The following NTRK3 variants were observed in gnomAD, a reference collection of about 807,000 sequenced individuals.
NTRK3 encodes neurotrophic receptor tyrosine kinase 3.
NTRK3 carries 24 observed loss-of-function variants against 91.7 expected under a neutral mutation model. The ratio of observed to expected loss-of-function variants is 0.26; its 90% CI spans 0.19 to 0.37. NTRK3 has a LOEUF of 0.37. NTRK3 is among the 10% of genes least tolerant of loss of function. The pLI, the probability that NTRK3 is intolerant of heterozygous loss-of-function variation, is 1.00. For missense variants in NTRK3, 880 were observed against 1,068.9 expected (o/e 0.82, Z 2.46); for synonymous variants, 483 against 404.0 (o/e 1.20, Z -2.34).
intron 13 of NTRK3, among the ~76,000 whole-genome samples, chr15:88,060,696 C>T (rs2046140159): frequency 6.6e-6 from 1 of 152,140 alleles, no homozygotes; most frequent in East Asian, 1.9e-4. Flanking sequence ...CATCACATGG[C>T]TCAGGCTGCT....
At position 87,974,088 on chromosome 15, in the gene NTRK3, A is replaced by T. The variant is rs564615399; in HGVS notation, c.1586-33335T>A. Among the ~76,000 whole-genome samples, 75 of 152,248 alleles carry T rather than the reference A, an allele frequency of 4.9e-4. 3 individuals are homozygous for T. In the South Asian group the frequency reaches 0.015, roughly 31 times the overall value. Reference sequence around the variant, plus strand: ...TTGCTGCCTCACCATTGTATCTGAGATGCTTGATCCTTTGCTCATGCCTGG... The same window carrying T: ...TTGCTGCCTCACCATTGTATCTGAGTTGCTTGATCCTTTGCTCATGCCTGG... On this transcript the variant is annotated intron_variant, in intron 14 of 18. Transcript: ENST00000394480.
At chr15:88,247,101 GT>G (rs1328349372) in intron 3 of NTRK3, among the ~76,000 whole-genome samples, 9 of 152,228 alleles carry the variant, frequency 5.9e-5, no homozygotes, top group Non-Finnish European at 1.5e-5. Flanking sequence ...AGACGCACTT[GT>G]GCCTGTGCCA....
intron 13 of NTRK3, chr15:88,098,873 T>G: frequency 8.6e-6 from 2 of 232,792 alleles, no homozygotes; most frequent in East Asian, 1.2e-4. Context: ...AATACTGTAA[T>G]GTGATATGCT....
At chr15:87,978,790 C>T (rs1447471448) in intron 14 of NTRK3, 1 of 235,100 alleles carries the variant, frequency 4.3e-6, no homozygotes, top group Non-Finnish European at 8.4e-6. Flanking sequence ...GGTGCCAATA[C>T]TTGAGCCTGG....
At chr15:87,860,124 GT>G (rs2064483815) in exon 19 of NTRK3, 1 of 217,390 alleles carries the variant, frequency 4.6e-6, no homozygotes, top group Non-Finnish European at 9.3e-6. Flanking sequence ...GTGTCATGGT[GT>G]TAAATCTCTG....
chr15:87,930,875 G>C (rs1382765863), intron 16 of NTRK3, among the ~76,000 whole-genome samples: 2 of 152,064 alleles, frequency 1.3e-5, no homozygotes, highest in Non-Finnish European at 2.9e-5. Context: ...TTGATTTAGA[G>C]AGACTCCCCC....
At chr15:88,061,621 G>A (rs866577542) in intron 13 of NTRK3, among the ~76,000 whole-genome samples, 1 of 152,256 alleles carries the variant, frequency 6.6e-6, no homozygotes, top group Non-Finnish European at 1.5e-5. Flanking sequence ...GCAGGGCGAG[G>A]GCTCACTAAG....
chr15:88,110,291 G>C (rs376391909), intron 13 of NTRK3, among the ~76,000 whole-genome samples: 1 of 152,192 alleles, frequency 6.6e-6, no homozygotes, highest in Admixed American at 6.5e-5. Context: ...GGAAAAGGCA[G>C]GTCAGACCTA....
At chr15:88,101,901 G>T (rs1438202668) in intron 13 of NTRK3, among the ~76,000 whole-genome samples, 1 of 152,082 alleles carries the variant, frequency 6.6e-6, no homozygotes, top group African/African-American at 2.4e-5. Context: ...AGCATTAGAA[G>T]ATTTACCTAA....
At chr15:88,058,247 T>C (rs1314938697) in intron 13 of NTRK3, among the ~76,000 whole-genome samples, 1 of 152,094 alleles carries the variant, frequency 6.6e-6, no homozygotes, top group African/African-American at 2.4e-5. Flanking sequence ...CGTCAGACAG[T>C]TCTTGAGTTC....
In NTRK3 at chr15:87,929,514, T is replaced by A. The variant is rs1461658144; in HGVS notation, c.1890-80A>T. ...GAAAGGCCTTCCTGGGTCCCTGCCC[T>A]CTGGAATGCCCCACAGAAATAAATA... On this transcript the variant is annotated intron_variant, in intron 16 of 18. Coordinates refer to ENST00000394480, the Ensembl canonical transcript of NTRK3. The A allele has an allele frequency of 1.2e-5, 19 of 1,536,068 alleles. No individual in the cohort carries two copies. The Admixed American group carries it at 3.6e-4, about 29-fold the overall frequency.
At chr15:87,987,819 C>T (rs1462104922) in intron 14 of NTRK3, among the ~76,000 whole-genome samples, 3 of 151,488 alleles carry the variant, frequency 2.0e-5, no homozygotes, top group Non-Finnish European at 4.4e-5. Flanking sequence ...TAGGGCTGGA[C>T]GTGGCCGAGA....
chr15:87,969,316 T>C (rs1365528018), intron 14 of NTRK3, among the ~76,000 whole-genome samples: 1 of 152,160 alleles, frequency 6.6e-6, no homozygotes, highest in Non-Finnish European at 1.5e-5. Context: ...CAGAGTCCCT[T>C]TAAGGGAAAG....
intron 3 of NTRK3, among the ~76,000 whole-genome samples, chr15:88,192,613 A>T (rs2151686593): frequency 6.6e-6 from 1 of 152,266 alleles, no homozygotes; most frequent in East Asian, 1.9e-4. Context: ...ATGTCCAGAC[A>T]TCACTGGAAG....
At chr15:88,251,373 G>A (rs1484313658) in intron 3 of NTRK3, among the ~76,000 whole-genome samples, 1 of 152,260 alleles carries the variant, frequency 6.6e-6, no homozygotes, top group African/African-American at 2.4e-5. Context: ...CTGCCCTGCG[G>A]CCTCAATTCA....
intron 14 of NTRK3, among the ~76,000 whole-genome samples, chr15:87,995,554 T>C (rs946016865): frequency 1.3e-5 from 2 of 152,146 alleles, no homozygotes; most frequent in Non-Finnish European, 2.9e-5. Context: ...ATGGAAATGA[T>C]TAGCTTGGGG....
rs1204220371 is a variant in NTRK3 at position 88,233,782 on chromosome 15, C to T, written c.248+22124G>A. Among the ~76,000 whole-genome samples the T allele has an allele frequency of 6.6e-6, 1 of 151,092 alleles. No individual in the cohort carries two copies. The highest frequency in any genetic ancestry group is 2.5e-5 in the African/African-American group (1 of 40,538). On this transcript the variant is annotated intron_variant, in intron 3 of 18. Transcript: ENST00000394480. This position sits in a 1 kb window ranked among gnomAD's most constrained non-coding sequence, Gnocchi z 4.2. Reference sequence around the variant, plus strand: ...CTACACCTTGCTCCTCCTCCCCTGACATCCAGTGCTCCCCCTCCCTGCCTT... The same window carrying T: ...CTACACCTTGCTCCTCCTCCCCTGATATCCAGTGCTCCCCCTCCCTGCCTT...
chr15:87,889,966 A>ATTTATTTAT (rs367567763), intron 17 of NTRK3, among the ~76,000 whole-genome samples: 7,090 of 149,966 alleles, frequency 0.047, 606 homozygotes, highest in African/African-American at 0.16. Flanking sequence ...TTATTTATTT[A>ATTTATTTAT]TTTATTTATT....
intron 13 of NTRK3, among the ~76,000 whole-genome samples, chr15:88,094,594 G>A (rs2049392070): frequency 6.6e-6 from 1 of 150,528 alleles, no homozygotes; most frequent in South Asian, 2.1e-4. Flanking sequence ...TCATACTCAT[G>A]AAACTCATGA....
Sources: gnomAD v4.1 joint callset for allele counts (sites outside exome capture counted in the v4.1 genomes callset) on GRCh38, gnomAD v4.1.1 for gene constraint, Gnocchi (gnomAD v3.1) non-coding constraint, MANE v1.5 for transcripts, NCBI Gene and HGNC (gene_info 2026-07-23, HGNC 2026-07-21) for gene names.